The following STPG2 variants were observed in gnomAD, a reference collection of about 807,000 sequenced individuals.
STPG2 encodes the protein sperm-tail PG-rich repeat-containing protein 2.
STPG2 carries 56 observed loss-of-function variants against 54.2 expected under a neutral mutation model. That is an observed-to-expected ratio of 1.03 (90% CI 0.83 to 1.29). STPG2 has a LOEUF of 1.29. STPG2 is among the 50% of genes most tolerant of loss of function. The pLI is 0.00. For synonymous variants in STPG2, 200 were observed against 181.8 expected (o/e 1.10, Z -0.81); for missense variants, 596 against 544.9 (o/e 1.09, Z -0.93).
At chr4:97,692,784 G>A (rs547438007) in intron 10 of STPG2, among the ~76,000 whole-genome samples, 4 of 152,094 alleles carry the variant, frequency 2.6e-5, no homozygotes, top group Non-Finnish European at 5.9e-5. Flanking sequence ...AAAATTTAAA[G>A]AGCTGTGAGG....
At position 97,981,203 on chromosome 4, in the gene STPG2, CT is replaced by C; in HGVS notation, c.727del (p.Ser243ValfsTer23). On this transcript the variant is annotated frameshift_variant, in exon 6 of 11. Transcript: ENST00000295268. LOFTEE classifies it high-confidence loss of function. Reference sequence around the variant, plus strand: ...GATGTCCTGTGTGAATCGAACAGCACTTTGACCAAATGGAATATTTTTCAGT... The same window carrying C: ...GATGTCCTGTGTGAATCGAACAGCACTTGACCAAATGGAATATTTTTCAGT... ...SGLKNIPFGQ[S>X]AVRFTQDIRT... 6.2e-7 allele frequency: 1 copy of C among 1,614,012 alleles called. No homozygotes were observed. Among genetic ancestry groups the C allele is most frequent in the Non-Finnish European group, 8.5e-7 (1 of 1,179,948 alleles).
At chr4:97,963,752 T>C (rs1207394820) in intron 7 of STPG2, among the ~76,000 whole-genome samples, 3 of 151,866 alleles carry the variant, frequency 2.0e-5, no homozygotes, top group Non-Finnish European at 4.4e-5. Context: ...TATTTATTTA[T>C]ACTTATATCG....
chr4:97,986,874 G>A (rs750388962), intron 5 of STPG2, among the ~76,000 whole-genome samples: 15 of 152,108 alleles, frequency 9.9e-5, no homozygotes, highest in Non-Finnish European at 2.1e-4. Context: ...GAAAATGGCT[G>A]TAGACCATTA....
chr4:97,791,138 T>A (rs1726977541), intron 9 of STPG2, among the ~76,000 whole-genome samples: 1 of 152,152 alleles, frequency 6.6e-6, no homozygotes, highest in Non-Finnish European at 1.5e-5. Flanking sequence ...TAATAAAACC[T>A]TGTGGGTAAG....
chr4:97,443,202 T>A (rs915884289), intron 4 of STPG2, among the ~76,000 whole-genome samples: 1 of 152,152 alleles, frequency 6.6e-6, no homozygotes, highest in Non-Finnish European at 1.5e-5. Flanking sequence ...AGGAATCTTT[T>A]AGTTTCTAAA....
rs1560698883 is a variant in STPG2 at position 98,143,199 on chromosome 4, A to G, written c.-49T>C. On this transcript the variant is annotated 5_prime_UTR_variant, in exon 1 of 11. Transcript: ENST00000295268. Reference sequence around the variant, plus strand: ...TGGGGAAGGGCAGGTGCCGAAAACGATAAAAACAAGGTAGCTAGAAGTGTG... The same window carrying G: ...TGGGGAAGGGCAGGTGCCGAAAACGGTAAAAACAAGGTAGCTAGAAGTGTG... 1.2e-5 allele frequency: 17 copies of G among 1,460,816 alleles called. No individual in the cohort carries two copies. Among genetic ancestry groups the G allele is most frequent in the Admixed American group, 1.8e-5 (1 of 55,764 alleles). 90.5% of individuals were successfully genotyped at this position (1,460,816 alleles called of 1,614,324 possible).
chr4:98,065,880 C>A (rs1737818533), intron 5 of STPG2, among the ~76,000 whole-genome samples: 1 of 152,042 alleles, frequency 6.6e-6, no homozygotes, highest in South Asian at 2.1e-4. Context: ...ACCTGATACA[C>A]CTACCAAGTA....
At chr4:97,712,485 G>C (rs1724154938) in intron 10 of STPG2, among the ~76,000 whole-genome samples, 1 of 152,076 alleles carries the variant, frequency 6.6e-6, no homozygotes, top group Non-Finnish European at 1.5e-5. Context: ...AGCATATTTA[G>C]AGATAGAAAA....
At chr4:97,997,240 T>A (rs1735270066) in intron 5 of STPG2, among the ~76,000 whole-genome samples, 1 of 152,186 alleles carries the variant, frequency 6.6e-6, no homozygotes, top group East Asian at 1.9e-4. Context: ...CACATTGCTA[T>A]AATGAAATTC....
intron 5 of STPG2, among the ~76,000 whole-genome samples, chr4:98,003,775 A>G (rs1400213168): frequency 6.6e-6 from 1 of 152,134 alleles, no homozygotes; most frequent in Non-Finnish European, 1.5e-5. Flanking sequence ...ATCTGAATGT[A>G]TTCATACTTT....
At chr4:97,877,077 T>C (rs890301821) in intron 8 of STPG2, among the ~76,000 whole-genome samples, 1 of 152,182 alleles carries the variant, frequency 6.6e-6, no homozygotes, top group Non-Finnish European at 1.5e-5. Context: ...ACCTTAACAA[T>C]TTATCATGTT....
intron 10 of STPG2, among the ~76,000 whole-genome samples, chr4:97,658,056 A>G (rs2148958935): frequency 6.6e-6 from 1 of 152,324 alleles, no homozygotes; most frequent in Non-Finnish European, 1.5e-5. Flanking sequence ...AATATGGAGA[A>G]TTCTATGATG....
intron 9 of STPG2, among the ~76,000 whole-genome samples, chr4:97,738,736 G>C (rs1434120143): frequency 1.3e-5 from 2 of 152,176 alleles, no homozygotes; most frequent in Non-Finnish European, 2.9e-5. Context: ...CCTACAAAGA[G>C]ACTTAGACTC....
intron 4 of STPG2, among the ~76,000 whole-genome samples, chr4:97,455,137 C>T (rs531600970): frequency 6.6e-6 from 1 of 152,022 alleles, no homozygotes; most frequent in South Asian, 2.1e-4. Flanking sequence ...GTGTAAAATG[C>T]AAAACTAGAA....
intron 10 of STPG2, among the ~76,000 whole-genome samples, chr4:97,692,907 A>G (rs1238039083): frequency 2.6e-5 from 4 of 152,210 alleles, no homozygotes; most frequent in Non-Finnish European, 4.4e-5. Flanking sequence ...CTCCTTAAAC[A>G]AAACAATTAT....
intron 10 of STPG2, among the ~76,000 whole-genome samples, chr4:97,589,434 C>T (rs1248484406): frequency 1.3e-5 from 2 of 152,000 alleles, no homozygotes; most frequent in Non-Finnish European, 1.5e-5. Flanking sequence ...AATCCATGAT[C>T]AGTAATTTTT....
intron 10 of STPG2, among the ~76,000 whole-genome samples, chr4:97,642,398 C>T (rs1349826810): frequency 6.6e-6 from 1 of 151,044 alleles, no homozygotes; most frequent in Non-Finnish European, 1.5e-5. Context: ...TTAGGAAGTA[C>T]TATTGATAGC....
chr4:97,681,323 T>G (rs1436051210), intron 10 of STPG2, among the ~76,000 whole-genome samples: 1 of 151,812 alleles, frequency 6.6e-6, no homozygotes, highest in Non-Finnish European at 1.5e-5. Flanking sequence ...AAAAAGAAAT[T>G]TACTAAAATA....
chr4:97,908,594 A>C (rs1731545123), intron 8 of STPG2, among the ~76,000 whole-genome samples: 2 of 152,078 alleles, frequency 1.3e-5, no homozygotes, highest in Non-Finnish European at 1.5e-5. Context: ...TATTCACAAT[A>C]GCAAAGACTT....
Sources: allele counts gnomAD v4.1 joint callset (sites outside exome capture counted in the v4.1 genomes callset), GRCh38; gene constraint gnomAD v4.1.1; transcripts MANE v1.5; gene names NCBI Gene and HGNC (gene_info 2026-07-23, HGNC 2026-07-21).